ANKS1B: variants seen among roughly 807,000 people sequenced by gnomAD.
ANKS1B encodes ankyrin repeat and sterile alpha motif domain containing 1B.
A neutral mutation model predicts 148.3 loss-of-function variants in ANKS1B; 36 were observed. The observed-to-expected ratio is 0.24, with a 90% confidence interval of 0.19 to 0.32. The LOEUF is 0.32. Ranked by LOEUF, ANKS1B falls within the 10% of genes least tolerant of loss-of-function variation. The probability of loss-of-function intolerance (pLI) is 1.00; values close to 1 mark genes in which losing one functional copy is unlikely to be tolerated. For synonymous variants in ANKS1B, 542 were observed against 560.8 expected, an observed-to-expected ratio of 0.97 and a Z score of 0.47; for missense variants, 1,157 against 1,542.6, an observed-to-expected ratio of 0.75 and a Z score of 4.19.
At chr12:99,289,144 T>G (rs778990430) in intron 12 of ANKS1B, among the ~76,000 whole-genome samples, 5 of 151,914 alleles carry the variant, frequency 3.3e-5, no homozygotes, top group Non-Finnish European at 7.4e-5. Flanking sequence ...AAAATAAGTT[T>G]CAAGATAAAA....
chr12:99,648,656 A>G, intron 9 of ANKS1B: 1 of 1,614,130 alleles, frequency 6.2e-7, no homozygotes, highest in South Asian at 1.1e-5. Context: ...GCAAGTGAAG[A>G]CCTTTTTGTT....
intron 14 of ANKS1B, among the ~76,000 whole-genome samples, chr12:99,201,461 G>A (rs913478098): frequency 2.6e-5 from 4 of 152,156 alleles, no homozygotes; most frequent in Non-Finnish European, 5.9e-5. Flanking sequence ...AAGCTATCAT[G>A]ATGGGTATAG....
intron 8 of ANKS1B, among the ~76,000 whole-genome samples, chr12:99,701,987 G>T (rs1419552491): frequency 6.6e-6 from 1 of 152,258 alleles, no homozygotes; most frequent in Non-Finnish European, 1.5e-5. Flanking sequence ...TATGAATAGT[G>T]CTGCTGTAAA....
intron 12 of ANKS1B, among the ~76,000 whole-genome samples, chr12:99,329,429 C>T (rs765670485): frequency 2.0e-5 from 3 of 151,816 alleles, no homozygotes; most frequent in Non-Finnish European, 2.9e-5. Context: ...TGTTGATCTG[C>T]ATCTGATCCT....
chr12:99,798,346 T>C (rs1210818004), intron 4 of ANKS1B, among the ~76,000 whole-genome samples: 2 of 149,120 alleles, frequency 1.3e-5, no homozygotes, highest in African/African-American at 4.9e-5. Flanking sequence ...AAAAAACAAC[T>C]AGAATGGCAT....
chr12:99,522,573 T>C (rs1292874953), intron 9 of ANKS1B, among the ~76,000 whole-genome samples: 1 of 152,194 alleles, frequency 6.6e-6, no homozygotes, highest in African/African-American at 2.4e-5. Flanking sequence ...GTGGGCAGAA[T>C]ATAACAAGTC....
intron 24 of ANKS1B, among the ~76,000 whole-genome samples, chr12:98,777,073 G>A (rs10860367): frequency 0.27 from 40,523 of 152,040 alleles, 7,206 homozygotes; most frequent in East Asian, 0.71. Flanking sequence ...CATACCTGTA[G>A]TCTCAGCTGC....
chr12:98,927,690 T>C (rs1007423687), intron 17 of ANKS1B, among the ~76,000 whole-genome samples: 1 of 151,804 alleles, frequency 6.6e-6, no homozygotes, highest in Non-Finnish European at 1.5e-5. Flanking sequence ...TAATTGACGG[T>C]AAATTGGTAT....
At chr12:98,861,102 G>T (rs1318814638) in intron 17 of ANKS1B, among the ~76,000 whole-genome samples, 1 of 152,140 alleles carries the variant, frequency 6.6e-6, no homozygotes, top group African/African-American at 2.4e-5. Context: ...TAGGTAGGCG[G>T]GAAGGACCCC....
At chr12:99,489,086 A>G (rs891324615) in intron 10 of ANKS1B, among the ~76,000 whole-genome samples, 1 of 152,248 alleles carries the variant, frequency 6.6e-6, no homozygotes, top group East Asian at 1.9e-4. Flanking sequence ...TACTAAAAAT[A>G]CAAAAATTAG....
intron 17 of ANKS1B, among the ~76,000 whole-genome samples, chr12:99,007,103 ATTG>A (rs1568326084): frequency 1.3e-5 from 2 of 152,202 alleles, no homozygotes; most frequent in Admixed American, 6.5e-5. Flanking sequence ...CTCTGCTGTT[ATTG>A]TTGTTCTCCA....
intron 17 of ANKS1B, among the ~76,000 whole-genome samples, chr12:98,888,062 G>C (rs1223842773): frequency 6.6e-6 from 1 of 152,108 alleles, no homozygotes; most frequent in Admixed American, 6.6e-5. Flanking sequence ...GCTAAAGGTG[G>C]TTATTTCTGG....
chr12:98,900,227 A>G (rs533002692), intron 17 of ANKS1B, among the ~76,000 whole-genome samples: 14 of 152,322 alleles, frequency 9.2e-5, no homozygotes, highest in African/African-American at 2.9e-4. Flanking sequence ...TCTTAAGCCA[A>G]TTGGAATTAT....
At chr12:99,544,113 A>G (rs10860463) in intron 9 of ANKS1B, among the ~76,000 whole-genome samples, 26,154 of 152,044 alleles carry the variant, frequency 0.17, 2,485 homozygotes, top group East Asian at 0.25. Flanking sequence ...AAAAAGAAAA[A>G]TAATAAAATT....
At chr12:98,882,395 G>A (rs1369034857) in intron 17 of ANKS1B, among the ~76,000 whole-genome samples, 1 of 152,172 alleles carries the variant, frequency 6.6e-6, no homozygotes, top group Non-Finnish European at 1.5e-5. Context: ...TCCAGAAGAT[G>A]TGCAGTATAA....
chr12:99,175,589 A>G (rs891121377), intron 14 of ANKS1B, among the ~76,000 whole-genome samples: 1 of 152,226 alleles, frequency 6.6e-6, no homozygotes, highest in Non-Finnish European at 1.5e-5. Flanking sequence ...CTGAAATTAT[A>G]TGCTACTGAT....
intron 12 of ANKS1B, among the ~76,000 whole-genome samples, chr12:99,305,999 T>C (rs1266179478): frequency 2.0e-5 from 3 of 152,148 alleles, no homozygotes; most frequent in African/African-American, 7.2e-5. Flanking sequence ...CTTTGGGGGA[T>C]GCTTTTTACT....
intron 17 of ANKS1B, among the ~76,000 whole-genome samples, chr12:99,032,448 G>A (rs184987077): frequency 5.3e-5 from 8 of 152,214 alleles, no homozygotes; most frequent in Admixed American, 4.6e-4. Context: ...GTGTTCCTTG[G>A]CTTGTGGCAG....
intron 17 of ANKS1B, among the ~76,000 whole-genome samples, chr12:99,006,779 C>T (rs140850099): frequency 6.6e-6 from 1 of 152,132 alleles, no homozygotes; most frequent in Admixed American, 6.5e-5. Flanking sequence ...GCTATTATTA[C>T]CAGGCACTGT....
Sources: allele counts gnomAD v4.1 joint callset (sites outside exome capture counted in the v4.1 genomes callset), GRCh38; gene constraint gnomAD v4.1.1; transcripts MANE v1.5; gene names NCBI Gene and HGNC (gene_info 2026-07-23, HGNC 2026-07-21).